ACMSD: variants seen among roughly 807,000 people sequenced by gnomAD.
ACMSD encodes aminocarboxymuconate semialdehyde decarboxylase.
A neutral mutation model predicts 45.9 loss-of-function variants in ACMSD; 37 were observed. That is an observed-to-expected ratio of 0.81 (90% CI 0.62 to 1.06). The LOEUF is 1.06. Ranked by LOEUF, ACMSD falls within the 50% of genes least tolerant of loss-of-function variation. The pLI is 0.00. For missense variants in ACMSD, 434 were observed against 420.9 expected (o/e 1.03, Z -0.27); for synonymous variants, 138 against 148.8 (o/e 0.93, Z 0.53).
At chr2:134,883,471 T>A (rs1396698916) in intron 8 of ACMSD, among the ~76,000 whole-genome samples, 1 of 152,186 alleles carries the variant, frequency 6.6e-6, no homozygotes, top group East Asian at 1.9e-4. Context: ...AATTTGCAGT[T>A]ATGAAATAAC....
rs774889131 is a variant in ACMSD, at chr2:134,850,269, CTTT to C, written c.102+5004_102+5006del. 2.7e-5 allele frequency among the ~76,000 whole-genome samples: 3 copies of C among 110,588 alleles called. No individual in the cohort carries two copies. In the South Asian group the frequency reaches 1.2e-3, roughly 46 times the overall value. The allele number at this position is 110,588 out of a possible 152,430, so 72.6% of individuals were successfully genotyped here. On this transcript the variant is annotated intron_variant, in intron 2 of 9. Coordinates refer to ENST00000356140, the MANE Select transcript of ACMSD (RefSeq NM_138326.3). ...CTGAATGACAATGAAAAATAGATTTCTTTTTTTTTTTTTTCTGAGATGGAGTTT... is the reference window on the plus strand; with the variant it reads ...CTGAATGACAATGAAAAATAGATTTCTTTTTTTTTTTCTGAGATGGAGTTT...
intron 1 of ACMSD, among the ~76,000 whole-genome samples, chr2:134,839,226 A>T (rs1318669606): frequency 1.3e-5 from 2 of 152,198 alleles, no homozygotes; most frequent in Non-Finnish European, 1.5e-5. Context: ...CTATTTTAGG[A>T]CACTGCCTGA....
chr2:134,848,371 G>T (rs1298198753), intron 2 of ACMSD, among the ~76,000 whole-genome samples: 1 of 152,168 alleles, frequency 6.6e-6, no homozygotes, highest in African/African-American at 2.4e-5. Flanking sequence ...TTCTACAATG[G>T]TTGAACTAAC....
intron 5 of ACMSD, among the ~76,000 whole-genome samples, chr2:134,864,669 A>G (rs1044700260): frequency 3.3e-5 from 5 of 152,200 alleles, no homozygotes; most frequent in African/African-American, 1.2e-4. Flanking sequence ...AATACCTAAT[A>G]AAAAATAATA....
intron 5 of ACMSD, among the ~76,000 whole-genome samples, chr2:134,864,103 T>TC (rs1176352058): frequency 6.6e-6 from 1 of 151,840 alleles, no homozygotes; most frequent in Non-Finnish European, 1.5e-5. Flanking sequence ...ACCCCATCTC[T>TC]ACTAAAAATA....
At chr2:134,844,798 A>C (rs1261410168) in intron 1 of ACMSD, among the ~76,000 whole-genome samples, 1 of 152,190 alleles carries the variant, frequency 6.6e-6, no homozygotes, top group East Asian at 1.9e-4. Context: ...CTGTTTTAAA[A>C]TGTTTGAGTC....
At chr2:134,884,144 C>T (rs1165239091) in intron 8 of ACMSD, among the ~76,000 whole-genome samples, 2 of 152,120 alleles carry the variant, frequency 1.3e-5, no homozygotes, top group African/African-American at 4.8e-5. Flanking sequence ...TCTACTTGTA[C>T]ATAATTACAA....
At chr2:134,872,665 T>C in intron 8 of ACMSD, 24 bp downstream of exon 8, 1 of 1,613,876 alleles carries the variant, frequency 6.2e-7, no homozygotes, top group Non-Finnish European at 8.5e-7. Context: ...GCCACTTGGA[T>C]GGCTTATGGG....
At chr2:134,868,369 G>A (rs1688230543) in intron 6 of ACMSD, among the ~76,000 whole-genome samples, 1 of 151,976 alleles carries the variant, frequency 6.6e-6, no homozygotes. Flanking sequence ...GTAAAATTCT[G>A]GAGCTATAGG....
At position 134,863,548 on chromosome 2, in the gene ACMSD, G is replaced by A. The variant is rs1444683664; in HGVS notation, c.403G>A (p.Glu135Lys). The A allele has an allele frequency of 6.2e-7, 1 of 1,614,100 alleles. No individual in the cohort carries two copies. The highest frequency in any genetic ancestry group is 8.5e-7 in the Non-Finnish European group (1 of 1,180,024). ...AVKEMERCVKELGFPGVQIGT... is the reference protein window; with the variant it reads ...AVKEMERCVKKLGFPGVQIGT... ...CAAGGAGATGGAGCGCTGTGTGAAAGAGCTGGGCTTTCCCGGGGTCCAAAT... is the reference window on the plus strand; with the variant it reads ...CAAGGAGATGGAGCGCTGTGTGAAAAAGCTGGGCTTTCCCGGGGTCCAAAT... Residue 135 changes from glutamate to lysine, a missense_variant, in exon 5 of 10, where the codon GAG becomes AAG. Physicochemically the swap from Glu to Lys is moderately conservative, Grantham distance 56. Transcript: ENST00000356140.
intron 7 of ACMSD, among the ~76,000 whole-genome samples, 156 bp from the exon 8 acceptor site, chr2:134,872,313 C>G (rs1299192369): frequency 1.3e-5 from 2 of 152,140 alleles, no homozygotes; most frequent in Non-Finnish European, 2.9e-5. Context: ...GAGTTAATGC[C>G]ATTTCTTCCA....
intron 8 of ACMSD, chr2:134,873,236 C>G (rs1045984723): frequency 1.3e-5 from 2 of 154,064 alleles, no homozygotes; most frequent in Non-Finnish European, 2.9e-5. Flanking sequence ...AATTAAAACA[C>G]CAGCATAGTG....
chr2:134,850,234 T>C (rs1015236529), intron 2 of ACMSD, among the ~76,000 whole-genome samples: 3 of 152,004 alleles, frequency 2.0e-5, no homozygotes, highest in African/African-American at 7.3e-5. Flanking sequence ...AATAGATATA[T>C]ATGGGTATTC....
rs1454080515 is a variant in ACMSD, at chr2:134,872,602, T to C, written c.810T>C (p.Asp270=). The C allele has an allele frequency of 6.2e-7, 1 of 1,614,164 alleles. No individual in the cohort carries two copies. Among genetic ancestry groups the C allele is most frequent in the Admixed American group, 1.7e-5 (1 of 60,014 alleles). ...GSFYTDALVH[D]PLSLKLLTDV... ...TTTACACAGATGCTTTGGTTCATGA[T>C]CCTCTGTCCCTCAAGCTGTTAACAG... Residue 270 remains aspartate, a synonymous_variant, in exon 8 of 10, where the codon GAT becomes GAC. Coordinates refer to ENST00000356140, the MANE Select transcript of ACMSD (RefSeq NM_138326.3).
intron 8 of ACMSD, among the ~76,000 whole-genome samples, chr2:134,890,645 A>G (rs1689728183): frequency 6.6e-6 from 1 of 152,020 alleles, no homozygotes; most frequent in African/African-American, 2.4e-5. Context: ...TTAGGAAATA[A>G]ACACTAATTT....
At chr2:134,878,671 T>C (rs972726063) in intron 8 of ACMSD, among the ~76,000 whole-genome samples, 2 of 152,206 alleles carry the variant, frequency 1.3e-5, no homozygotes, top group Admixed American at 1.3e-4. Context: ...CATCTTTCCT[T>C]TTCCATAAAA....
intron 9 of ACMSD, among the ~76,000 whole-genome samples, chr2:134,899,565 G>A (rs1573738969): frequency 6.6e-6 from 1 of 151,764 alleles, no homozygotes; most frequent in African/African-American, 2.4e-5. Flanking sequence ...CACATATCCT[G>A]ATTAAAAACT....
intron 2 of ACMSD, among the ~76,000 whole-genome samples, chr2:134,856,768 G>A (rs1204266899): frequency 6.6e-6 from 1 of 152,056 alleles, no homozygotes; most frequent in Non-Finnish European, 1.5e-5. Context: ...ATTTTCTCCT[G>A]TTCCATAAAC....
chr2:134,868,773 C>G (rs1449781872), intron 6 of ACMSD, among the ~76,000 whole-genome samples: 1 of 151,968 alleles, frequency 6.6e-6, no homozygotes, highest in East Asian at 1.9e-4. Flanking sequence ...TTAAGGGGAC[C>G]ATTGTTCTTT....
Sources: gnomAD v4.1 joint callset for allele counts (sites outside exome capture counted in the v4.1 genomes callset) on GRCh38, gnomAD v4.1.1 for gene constraint, MANE v1.5 for transcripts, NCBI Gene and HGNC (gene_info 2026-07-23, HGNC 2026-07-21) for gene names.